Variants in SLC1A6 observed in about 807,000 individuals in gnomAD.
SLC1A6 encodes solute carrier family 1 member 6.
SLC1A6 carries 15 observed loss-of-function variants against 42.1 expected under a neutral mutation model. That is an observed-to-expected ratio of 0.36 (90% CI 0.24 to 0.55). SLC1A6 has a LOEUF of 0.55. Ranked by LOEUF, SLC1A6 falls within the 20% of genes least tolerant of loss-of-function variation. SLC1A6 has a pLI of 0.88. For synonymous variants in SLC1A6, 317 were observed against 319.7 expected (o/e 0.99, Z 0.09); for missense variants, 542 against 772.5 (o/e 0.70, Z 3.54).
chr19:14,993,334 G>T (rs11880455), intron 1 of SLC1A6, among the ~76,000 whole-genome samples: 1 of 151,966 alleles, frequency 6.6e-6, no homozygotes, highest in South Asian at 2.1e-4. Context: ...TTTCCTTCTG[G>T]GGGGGTGAAA....
chr19:14,992,231 A>C (rs2045824062), intron 1 of SLC1A6, among the ~76,000 whole-genome samples: 1 of 152,294 alleles, frequency 6.6e-6, no homozygotes, highest in East Asian at 1.9e-4. Context: ...CATTAATTTC[A>C]TGAGTTGTTT....
chr19:14,970,264 T>A (rs2045622597), intron 3 of SLC1A6, among the ~76,000 whole-genome samples: 1 of 151,762 alleles, frequency 6.6e-6, no homozygotes, highest in Admixed American at 6.6e-5. Context: ...AGAGATGGAG[T>A]CTCACTGTGT....
At chr19:15,005,883 AG>A (rs2045893778) in intron 1 of SLC1A6, among the ~76,000 whole-genome samples, 1 of 152,250 alleles carries the variant, frequency 6.6e-6, no homozygotes, top group Admixed American at 6.5e-5. Context: ...AGCGTCTCTC[AG>A]GTAGCTTGGT....
chr19:14,962,036 C>T lies in SLC1A6; in HGVS notation c.901G>A (p.Glu301Lys). Residue 301 changes from glutamate (E) to lysine (K), a missense_variant, in exon 6 of 10, where the codon GAG (glutamate) becomes AAG (lysine). This residue lies in a region of SLC1A6 where 298 missense variants were observed against 419.4 expected (regional missense o/e 0.71). Transcript: ENST00000594383. The stretch of plus-strand genomic sequence containing the variant: ...ATGCCCACCAGCCTCATAATAGCCT[C>T]ATTGAGGCTGTCGAAGAAGTCCCTG... ...VLRDFFDSLN[E>K]AIMRLVGIII... 2.5e-6 allele frequency: 4 copies of T among 1,614,086 alleles called. No homozygotes were observed. Among genetic ancestry groups the T allele is most frequent in the Non-Finnish European group, 3.4e-6 (4 of 1,179,942 alleles).
intron 9 of SLC1A6, among the ~76,000 whole-genome samples, chr19:14,951,962 G>A (rs551584388): frequency 2.1e-4 from 31 of 144,404 alleles, no homozygotes; most frequent in African/African-American, 7.4e-4. Flanking sequence ...CTACAGGTGC[G>A]CCACCACACC....
At chr19:14,960,624 C>T (rs2045501240) in intron 6 of SLC1A6, among the ~76,000 whole-genome samples, 1 of 152,180 alleles carries the variant, frequency 6.6e-6, no homozygotes, top group African/African-American at 2.4e-5. Flanking sequence ...CTTGTGACAA[C>T]ACAGATGAAC....
upstream of SLC1A6, among the ~76,000 whole-genome samples, chr19:14,982,752 T>A (rs2045774324): frequency 6.6e-6 from 1 of 152,228 alleles, no homozygotes; most frequent in South Asian, 2.1e-4. Context: ...TTTAAAAAGA[T>A]CCTGGGAGAT....
At chr19:15,000,584 T>C (rs1158098086) in intron 1 of SLC1A6, among the ~76,000 whole-genome samples, 4 of 152,242 alleles carry the variant, frequency 2.6e-5, no homozygotes, top group Non-Finnish European at 5.9e-5. Context: ...ATTGTGTATA[T>C]GTGCCACATT....
At chr19:14,959,260 T>C (rs1200311871) in intron 6 of SLC1A6, among the ~76,000 whole-genome samples, 2 of 152,250 alleles carry the variant, frequency 1.3e-5, no homozygotes, top group Non-Finnish European at 2.9e-5. Context: ...TCCTCTGTTT[T>C]CCATTGCTTT....
At chr19:15,009,472 A>G (rs2045914321) in intron 1 of SLC1A6, among the ~76,000 whole-genome samples, 1 of 152,172 alleles carries the variant, frequency 6.6e-6, no homozygotes, top group South Asian at 2.1e-4. Flanking sequence ...GGAGGGAACT[A>G]GAGGCCATTA....
At chr19:14,956,869 A>G (rs1302878597) in intron 6 of SLC1A6, among the ~76,000 whole-genome samples, 160 bp from the exon 7 acceptor site, 1 of 151,964 alleles carries the variant, frequency 6.6e-6, no homozygotes, top group African/African-American at 2.4e-5. Flanking sequence ...TACACTAATG[A>G]ATGCCACCGG....
chr19:14,971,894 T>TCC lies in SLC1A6; in HGVS notation c.206-22_206-21dup. 1 of 1,613,400 alleles carries TCC rather than the reference T, an allele frequency of 6.2e-7. No homozygotes were observed. On this transcript the variant is annotated intron_variant, in intron 2 of 9. Transcript: ENST00000594383. Reference sequence around the variant, plus strand: ...TGACCCCTAGGGCCAAAAGAAGGGGTCCATGGACTGAAGTCTGGGTCGCTC... The same window carrying TCC: ...TGACCCCTAGGGCCAAAAGAAGGGGTCCCCATGGACTGAAGTCTGGGTCGCTC...
chr19:14,997,416 T>C (rs1362890826), intron 1 of SLC1A6, among the ~76,000 whole-genome samples: 1 of 152,204 alleles, frequency 6.6e-6, no homozygotes, highest in Non-Finnish European at 1.5e-5. Flanking sequence ...TCACAGGCAC[T>C]CATTTTTAAC....
chr19:14,950,397 CA>C lies in SLC1A6; in HGVS notation c.1500-8del. On this transcript the variant is annotated splice_region_variant and splice_polypyrimidine_tract_variant and intron_variant, in intron 9 of 9. Transcript: ENST00000594383. ...CATTGTGCGAAGCCGGTCACTGGTA[CA>C]GGGGAGAAAGAAGCTGCCATTAATG... The C allele has an allele frequency of 6.5e-7, 1 of 1,543,068 alleles. No individual in the cohort carries two copies.
rs149029456 is a variant in SLC1A6 at position 14,955,092 on chromosome 19, G to A, written c.1170-763C>T. Among the ~76,000 whole-genome samples, 80 of 152,274 alleles carry A rather than the reference G, an allele frequency of 5.3e-4. 3 individuals carry two copies. Among genetic ancestry groups the A allele is most frequent in the African/African-American group, 1.9e-3 (77 of 41,538 alleles). On this transcript the variant is annotated intron_variant, in intron 7 of 9. Coordinates refer to ENST00000594383, the MANE Select transcript of SLC1A6 (RefSeq NM_005071.3). ...GAAGTGGGCATCTCATTTGGGGTAA[G>A]TCTGTCCACAAGGCGTGTGTTCTGT... is the stretch of plus-strand genomic sequence containing the variant.
At chr19:14,965,900 G>C (rs2045568832) in intron 4 of SLC1A6, among the ~76,000 whole-genome samples, 1 of 151,858 alleles carries the variant, frequency 6.6e-6, no homozygotes, top group African/African-American at 2.4e-5. Flanking sequence ...GGTTGGAGCT[G>C]GGGGCCATTA....
intron 6 of SLC1A6, among the ~76,000 whole-genome samples, chr19:14,957,673 C>T (rs1409095639): frequency 2.6e-5 from 4 of 152,180 alleles, no homozygotes; most frequent in Non-Finnish European, 5.9e-5. Context: ...CTGACATGAA[C>T]TAAGACACAT....
chr19:14,975,484 G>A (rs2045694339), intron 1 of SLC1A6, among the ~76,000 whole-genome samples: 1 of 152,146 alleles, frequency 6.6e-6, no homozygotes, highest in African/African-American at 2.4e-5. Context: ...CCAGGGCGCA[G>A]TGGCTCACAT....
Position 14,961,855 on chromosome 19 carries a change from G to A in SLC1A6, c.935+147C>T, listed in dbSNP as rs546655295. On this transcript the variant is annotated intron_variant, in intron 6 of 9. Transcript: ENST00000594383. The stretch of plus-strand genomic sequence containing the variant: ...TGATGAAATCATCCCAGAAAGACAT[G>A]AATGAATGAGTTGGTGAGTGGGTAA... The A allele has an allele frequency of 7.7e-6, 9 of 1,174,658 alleles. No homozygotes were observed. In the African/African-American group the frequency reaches 1.2e-4, roughly 16 times the overall value. The allele number at this position is 1,174,658 out of a possible 1,614,324, so 72.8% of individuals were successfully genotyped here.
Sources: allele counts gnomAD v4.1 joint callset (sites outside exome capture counted in the v4.1 genomes callset), GRCh38; gene constraint gnomAD v4.1.1; regional missense constraint gnomAD v4.1.1; transcripts MANE v1.5; gene names NCBI Gene and HGNC (gene_info 2026-07-23, HGNC 2026-07-21).